The following SRFBP1 variants were observed in gnomAD, a reference collection of about 807,000 sequenced individuals.
The protein encoded by SRFBP1 is serum response factor-binding protein 1.
A neutral mutation model predicts 45.5 loss-of-function variants in SRFBP1; 47 were observed. That is an observed-to-expected ratio of 1.03 (90% CI 0.82 to 1.32). The LOEUF is 1.32. SRFBP1 is among the 40% of genes most tolerant of loss of function. SRFBP1 has a pLI of 0.00. For synonymous variants in SRFBP1, 203 were observed against 166.3 expected (o/e 1.22, Z -1.70); for missense variants, 621 against 484.6 (o/e 1.28, Z -2.64).
chr5:122,073,415 T>C (rs2152589155), intron 2 of SRFBP1, among the ~76,000 whole-genome samples: 1 of 152,348 alleles, frequency 6.6e-6, no homozygotes, highest in South Asian at 2.1e-4. Context: ...CTGCTCTTAT[T>C]TGCATTATTA....
intron 2 of SRFBP1, among the ~76,000 whole-genome samples, chr5:122,041,182 G>A (rs1055680973): frequency 1.3e-5 from 2 of 152,142 alleles, no homozygotes; most frequent in Non-Finnish European, 2.9e-5. Flanking sequence ...TTGGGCTTGA[G>A]TAGTAGCAGT....
At chr5:122,026,862 G>T in intron 7 of SRFBP1, 80 bp from the exon 8 acceptor site, 3 of 984,112 alleles carry the variant, frequency 3.0e-6, no homozygotes, top group South Asian at 2.9e-5. Flanking sequence ...TTTTAACATT[G>T]GTTTGAAAAA....
intron 2 of SRFBP1, among the ~76,000 whole-genome samples, chr5:122,062,359 C>T (rs150300413): frequency 1.3e-4 from 20 of 151,902 alleles, no homozygotes; most frequent in African/African-American, 3.4e-4. Flanking sequence ...TGTGTTAATC[C>T]TCTACTAATA....
At chr5:121,967,849 A>G (rs1386752741) in intron 1 of SRFBP1, among the ~76,000 whole-genome samples, 1 of 152,228 alleles carries the variant, frequency 6.6e-6, no homozygotes, top group Non-Finnish European at 1.5e-5. Context: ...GAACAAAGAC[A>G]AGAAACCCAA....
At chr5:121,965,159 A>G (rs897598176) in intron 1 of SRFBP1, among the ~76,000 whole-genome samples, 1 of 152,156 alleles carries the variant, frequency 6.6e-6, no homozygotes, top group Non-Finnish European at 1.5e-5. Flanking sequence ...CTCTGATGAT[A>G]GTTGCTTTTG....
downstream of SRFBP1, among the ~76,000 whole-genome samples, chr5:122,030,539 G>C (rs1753572072): frequency 6.6e-6 from 1 of 151,794 alleles, no homozygotes; most frequent in East Asian, 1.9e-4. Context: ...ATCTGAGTTA[G>C]AGCTTGCCCA....
intron 3 of SRFBP1, among the ~76,000 whole-genome samples, chr5:121,975,750 T>C (rs762564255): frequency 3.9e-5 from 6 of 151,994 alleles, no homozygotes; most frequent in Non-Finnish European, 7.4e-5. Context: ...GATGGTGATA[T>C]TGGTGGCTGA....
chr5:121,982,756 T>G (rs1318276496), intron 3 of SRFBP1, among the ~76,000 whole-genome samples: 2 of 151,776 alleles, frequency 1.3e-5, no homozygotes, highest in Non-Finnish European at 3.0e-5. Context: ...ATAAGCCTAC[T>G]TCAGAGGCTA....
chr5:121,994,857 TATC>T (rs1351439671), intron 4 of SRFBP1, among the ~76,000 whole-genome samples, 187 bp downstream of exon 4: 2 of 152,222 alleles, frequency 1.3e-5, no homozygotes, highest in East Asian at 3.9e-4. Context: ...TTTGCTGTAA[TATC>T]ATACCTTCGA....
At chr5:122,077,469 T>G (rs1032255910), downstream of SRFBP1, 2 of 1,614,026 alleles carry the variant, frequency 1.2e-6, no homozygotes, top group Non-Finnish European at 1.7e-6. The surrounding 1 kb of genome is among the most constrained non-coding windows in gnomAD (Gnocchi z 4.9). Context: ...TTGTAGGGGT[T>G]GTAAGGGTCG....
At position 121,989,664 on chromosome 5, in the gene SRFBP1, T is replaced by C. The variant is rs182648878; in HGVS notation, c.199-4935T>C. Reference sequence around the variant, plus strand: ...TAGTTTTCCATTTGGCATGAAACCTTTCCTCAGAAAGAGCAAGGTTGTATC... The same window carrying C: ...TAGTTTTCCATTTGGCATGAAACCTCTCCTCAGAAAGAGCAAGGTTGTATC... On this transcript the variant is annotated intron_variant, in intron 3 of 7. Coordinates refer to ENST00000339397, the MANE Select transcript of SRFBP1 (RefSeq NM_152546.3). Among the ~76,000 whole-genome samples the C allele has an allele frequency of 4.6e-3, 695 of 152,296 alleles. 5 individuals are homozygous for C. The highest frequency in any genetic ancestry group is 0.016 in the African/African-American group (657 of 41,552).
At chr5:122,064,429 T>C (rs1682401288) in intron 2 of SRFBP1, 1 of 151,690 alleles carries the variant, frequency 6.6e-6, no homozygotes, top group Admixed American at 6.6e-5. Context: ...AAAGTAGTAT[T>C]TTTAGCTTCC....
chr5:122,050,094 C>G (rs995872150), intron 2 of SRFBP1, among the ~76,000 whole-genome samples: 20 of 152,130 alleles, frequency 1.3e-4, no homozygotes, highest in African/African-American at 4.3e-4. Context: ...GGGATGAAAC[C>G]CACTTCATTG....
In SRFBP1 at chr5:122,048,739, T is replaced by C. The variant is rs571458194; in HGVS notation, n.311+26332T>C. On this transcript the variant is annotated intron_variant and non_coding_transcript_variant, in intron 2 of 2. Transcript: ENST00000504881. Reference sequence around the variant, plus strand: ...AATTTCAGAGCCTGTTATTGGTCTTTTCAGAGATTCAACTTCTTCCTTGTT... The same window carrying C: ...AATTTCAGAGCCTGTTATTGGTCTTCTCAGAGATTCAACTTCTTCCTTGTT... Among the ~76,000 whole-genome samples, 157 of 152,312 alleles carry C rather than the reference T, an allele frequency of 1.0e-3. 1 individual carries two copies. Among genetic ancestry groups the C allele is most frequent in the Middle Eastern group, 0.01 (3 of 294 alleles).
chr5:122,021,859 T>C (rs961009857), intron 6 of SRFBP1, among the ~76,000 whole-genome samples: 1 of 151,164 alleles, frequency 6.6e-6, no homozygotes, highest in East Asian at 2.0e-4. Context: ...GTTTTTTTTT[T>C]GTTTTGTTTT....
chr5:122,004,702 T>C (rs1282065599), intron 4 of SRFBP1, among the ~76,000 whole-genome samples: 2 of 152,292 alleles, frequency 1.3e-5, no homozygotes, highest in East Asian at 3.9e-4. Context: ...ACTTTGGGTT[T>C]AGTTTGTTCT....
chr5:122,030,306 G>A (rs564248817), downstream of SRFBP1, among the ~76,000 whole-genome samples: 24 of 152,288 alleles, frequency 1.6e-4, no homozygotes, highest in African/African-American at 4.3e-4. Flanking sequence ...TAAGAACAGG[G>A]ATCTTTGTGA....
At chr5:122,073,154 T>A (rs1306768727) in intron 2 of SRFBP1, among the ~76,000 whole-genome samples, 1 of 152,210 alleles carries the variant, frequency 6.6e-6, no homozygotes, top group African/African-American at 2.4e-5. Context: ...GATCCCTTCA[T>A]ACCCTCAGTT....
At chr5:122,033,672 T>C (rs1753627550) in intron 2 of SRFBP1, among the ~76,000 whole-genome samples, 1 of 151,878 alleles carries the variant, frequency 6.6e-6, no homozygotes, top group Non-Finnish European at 1.5e-5. Context: ...TTGGCCAGGC[T>C]GGTCTCGAAA....
Sources: gnomAD v4.1 joint callset for allele counts (sites outside exome capture counted in the v4.1 genomes callset) on GRCh38, gnomAD v4.1.1 for gene constraint, Gnocchi (gnomAD v3.1) non-coding constraint, MANE v1.5 for transcripts, NCBI Gene and HGNC (gene_info 2026-07-23, HGNC 2026-07-21) for gene names.